IL15RA: variants seen among roughly 807,000 people sequenced by gnomAD.
The protein encoded by IL15RA is interleukin-15 receptor subunit alpha.
Under a neutral mutation model 24.2 loss-of-function variants are expected in IL15RA, and 26 were observed. The ratio of observed to expected loss-of-function variants is 1.07; its 90% CI spans 0.79 to 1.49. IL15RA has a LOEUF of 1.49. IL15RA is among the 40% of genes most tolerant of loss of function. The pLI is 0.00. For synonymous variants in IL15RA, 166 were observed against 157.6 expected (o/e 1.05, Z -0.40); for missense variants, 354 against 356.4 (o/e 0.99, Z 0.05).
At chr10:5,969,761 A>C (rs1297386744) in intron 1 of IL15RA, among the ~76,000 whole-genome samples, 1 of 152,238 alleles carries the variant, frequency 6.6e-6, no homozygotes, top group African/African-American at 2.4e-5. Flanking sequence ...TTGGGGAAGA[A>C]TTGATATCTT....
At position 5,965,781 on chromosome 10, in the gene IL15RA, T is replaced by C. The variant is rs1034127180; in HGVS notation, c.283+364A>G. ...TGTCACCCAGGCTGGAGTGCAGTGG[T>C]GTGATCGCGGCTCACTGTGACCTCT... On this transcript the variant is annotated intron_variant, in intron 2 of 6. Coordinates refer to ENST00000379977, the MANE Select transcript of IL15RA (RefSeq NM_002189.4). This position sits in a 1 kb window ranked among gnomAD's most constrained non-coding sequence, Gnocchi z 5.8. Among the ~76,000 whole-genome samples the C allele has an allele frequency of 6.6e-6, 1 of 152,134 alleles. No individual in the cohort carries two copies. The highest frequency in any genetic ancestry group is 1.5e-5 in the Non-Finnish European group (1 of 68,008).
rs1251198002 is a variant in IL15RA, at chr10:5,962,633, G to A, written c.382+1110C>T. On this transcript the variant is annotated intron_variant, in intron 3 of 6. Transcript: ENST00000379977. This position sits in a 1 kb window ranked among gnomAD's most constrained non-coding sequence, Gnocchi z 5.2. ...AAGATCCACCTGGGGCTGGAGAGGC[G>A]TGAGTCCCAGATTGCACCCAGGCCA... is the stretch of plus-strand genomic sequence containing the variant. 6.6e-6 allele frequency among the ~76,000 whole-genome samples: 1 copy of A among 151,558 alleles called. No homozygotes were observed. Among genetic ancestry groups the A allele is most frequent in the Non-Finnish European group, 1.5e-5 (1 of 67,934 alleles).
Position 5,953,177 on chromosome 10 carries a change from A to G in IL15RA, c.722T>C (p.Met241Thr). The part of the protein sequence containing the change: ...RQTPPLASVE[M>T]EAMEALPVTW... ...CACCGGCAGAGCCTCCATGGCTTCC[A>G]TTTCAACGCTGGCCAGCGGGGGAGT... Residue 241 changes from methionine (M) to threonine (T), a missense_variant, in exon 7 of 7, where the codon ATG becomes ACG. By Grantham distance (81) the Met-to-Thr change is moderately conservative. Coordinates refer to ENST00000379977, the MANE Select transcript of IL15RA (RefSeq NM_002189.4). The surrounding 1 kb of genome is among the most constrained non-coding windows in gnomAD (Gnocchi z 5.3). 1.9e-6 allele frequency: 3 copies of G among 1,614,156 alleles called. No individual in the cohort carries two copies. The highest frequency in any genetic ancestry group is 1.3e-5 in the African/African-American group (1 of 75,044).
chr10:5,968,583 G>A lies in IL15RA; in HGVS notation c.89-2244C>T, dbSNP rs1837012124. 1.7e-6 allele frequency: 1 copy of A among 581,090 alleles called. No homozygotes were observed. Among genetic ancestry groups the A allele is most frequent in the African/African-American group, 1.9e-5 (1 of 53,542 alleles). The allele number at this position is 581,090 out of a possible 1,614,324, so 36.0% of individuals were successfully genotyped here. A position where few individuals can be genotyped will look rare whatever the true frequency, so the allele number is the denominator to read the frequency against. On this transcript the variant is annotated intron_variant, in intron 1 of 6. Coordinates refer to ENST00000379977, the MANE Select transcript of IL15RA (RefSeq NM_002189.4). The surrounding 1 kb of genome is among the most constrained non-coding windows in gnomAD (Gnocchi z 5.4). Reference sequence around the variant, plus strand: ...TGAGGTGGATTTGGATGCTGCTGTTGCTATGGTTACCTGCAGAGCCCCACT... The same window carrying A: ...TGAGGTGGATTTGGATGCTGCTGTTACTATGGTTACCTGCAGAGCCCCACT...
At position 5,952,777 on chromosome 10, in the gene IL15RA, A is replaced by G. The variant is rs1833992191; in HGVS notation, c.*318T>C. On this transcript the variant is annotated 3_prime_UTR_variant, in exon 7 of 7. Coordinates refer to ENST00000379977, the MANE Select transcript of IL15RA (RefSeq NM_002189.4). ...AGATTCGGGGCAGGGTTTTTATTTC[A>G]TTACCACATGTATTCCAGGCAGCTC... The G allele has an allele frequency of 5.3e-6, 2 of 374,272 alleles. No individual in the cohort carries two copies. Among genetic ancestry groups the G allele is most frequent in the South Asian group, 1.1e-4 (2 of 18,168 alleles). The allele number at this position is 374,272 out of a possible 1,614,324, so 23.2% of individuals were successfully genotyped here.
chr10:5,953,112 A>G lies in IL15RA; in HGVS notation c.787T>C (p.Cys263Arg), dbSNP rs955052117. The change falls in exon 7 of 7, where the codon TGC becomes CGC. Residue 263 changes from cysteine (C) to arginine (R), a missense_variant. Cys to Arg is a radical substitution (Grantham distance 180, BLOSUM62 -3). Coordinates refer to ENST00000379977, the MANE Select transcript of IL15RA (RefSeq NM_002189.4). The surrounding 1 kb of genome is among the most constrained non-coding windows in gnomAD (Gnocchi z 5.3). The stretch of plus-strand genomic sequence containing the variant: ...CCCGAGTTTCATAGGTGGTGAGAGC[A>G]GTTTTCCAAGTCTTCATCTCTGCTG... ...TSSRDEDLEN[C>R]SHHL The G allele has an allele frequency of 3.1e-6, 5 of 1,613,494 alleles. No homozygotes were observed. Among genetic ancestry groups the G allele is most frequent in the Non-Finnish European group, 4.2e-6 (5 of 1,179,472 alleles).
chr10:5,957,744 A>G (rs1382217365), intron 5 of IL15RA, among the ~76,000 whole-genome samples: 1 of 151,786 alleles, frequency 6.6e-6, no homozygotes, highest in Non-Finnish European at 1.5e-5. Flanking sequence ...GGCGCCTGCC[A>G]CCACACCTGG....
In IL15RA at chr10:5,961,420, G is replaced by A. The variant is rs953515862; in HGVS notation, c.383-853C>T. 1.1e-5 allele frequency among the ~76,000 whole-genome samples: 1 copy of A among 93,722 alleles called. No individual in the cohort carries two copies. Among genetic ancestry groups the A allele is most frequent in the Admixed American group, 1.5e-4 (1 of 6,664 alleles). The allele number at this position is 93,722 out of a possible 152,430, so 61.5% of individuals were successfully genotyped here. ...CCCCTGTCTCTTAAAAAAAAAGGTG[G>A]GGGGAAGAAAAGAAAAGGTGTCAAA... On this transcript the variant is annotated intron_variant, in intron 3 of 6. Transcript: ENST00000379977. The surrounding 1 kb of genome is among the most constrained non-coding windows in gnomAD (Gnocchi z 5.2).
At chr10:5,951,561 C>T (rs1205334682), downstream of IL15RA, among the ~76,000 whole-genome samples, 3 of 152,182 alleles carry the variant, frequency 2.0e-5, no homozygotes. Context: ...CGCCGTGGCT[C>T]ACGCCTGTAA....
chr10:5,970,623 T>C lies in IL15RA; in HGVS notation c.89-4284A>G, dbSNP rs764055698. On this transcript the variant is annotated intron_variant, in intron 1 of 6. Coordinates refer to ENST00000379977, the MANE Select transcript of IL15RA (RefSeq NM_002189.4). The surrounding 1 kb of genome is among the most constrained non-coding windows in gnomAD (Gnocchi z 4.1). ...ACAGCCAATCCAACCAGGCAAATGG[T>C]GGCCAGTTACTTACTTTATAAAGTT... is the stretch of plus-strand genomic sequence containing the variant. Among the ~76,000 whole-genome samples, 1 of 151,716 alleles carries C rather than the reference T, an allele frequency of 6.6e-6. No individual in the cohort carries two copies. Among genetic ancestry groups the C allele is most frequent in the Non-Finnish European group, 1.5e-5 (1 of 68,038 alleles).
At chr10:5,951,166 AAAAAAAAT>A (rs1833845261), downstream of IL15RA, among the ~76,000 whole-genome samples, 5 of 149,378 alleles carry the variant, frequency 3.3e-5, no homozygotes, top group African/African-American at 1.2e-4. Flanking sequence ...AAAAAAAAAA[AAAAAAAAT>A]ATTAGCCAGG....
At position 5,961,460 on chromosome 10, in the gene IL15RA, A is replaced by G. The variant is rs145793536; in HGVS notation, c.383-893T>C. ...AAGGTGTCAAAGATCTGAGTCGTTC[A>G]GCTTGTTTACTAGAGAAGGCAGGCC... On this transcript the variant is annotated intron_variant, in intron 3 of 6. Transcript: ENST00000379977. This position sits in a 1 kb window ranked among gnomAD's most constrained non-coding sequence, Gnocchi z 5.2. Among the ~76,000 whole-genome samples, 2 of 152,302 alleles carry G rather than the reference A, an allele frequency of 1.3e-5. No individual in the cohort carries two copies. The highest frequency in any genetic ancestry group is 3.9e-4 in the East Asian group (2 of 5,182).
intron 6 of IL15RA, 109 bp downstream of exon 6, chr10:5,956,270 C>T (rs1834501340): frequency 1.2e-5 from 10 of 831,922 alleles, no homozygotes; most frequent in Non-Finnish European, 2.0e-5. Context: ...CCGCCTTGGC[C>T]TCCCAAAGTG....
rs1217105124 is a variant in IL15RA at position 5,960,656 on chromosome 10, G to A, written c.383-89C>T. Reference sequence around the variant, plus strand: ...ACGGGGTGATGTGGGAGCTGCCATAGTGAGTCACCCTGACCAGCCCTCCCT... The same window carrying A: ...ACGGGGTGATGTGGGAGCTGCCATAATGAGTCACCCTGACCAGCCCTCCCT... On this transcript the variant is annotated intron_variant, in intron 3 of 6. Coordinates refer to ENST00000379977, the MANE Select transcript of IL15RA (RefSeq NM_002189.4). This position sits in a 1 kb window ranked among gnomAD's most constrained non-coding sequence, Gnocchi z 5.1. The A allele has an allele frequency of 3.6e-6, 4 of 1,118,774 alleles. No individual in the cohort carries two copies. The African/African-American group carries it at 6.1e-5, about 17-fold the overall frequency. The allele number at this position is 1,118,774 out of a possible 1,614,324, so 69.3% of individuals were successfully genotyped here. A position where few individuals can be genotyped will look rare whatever the true frequency, so the allele number is the denominator to read the frequency against.
In IL15RA at chr10:5,952,801, T is replaced by TCA. The variant is rs1467675309; in HGVS notation, c.*292_*293dup. On this transcript the variant is annotated 3_prime_UTR_variant, in exon 7 of 7. Coordinates refer to ENST00000379977, the MANE Select transcript of IL15RA (RefSeq NM_002189.4). Reference sequence around the variant, plus strand: ...CATTACCACATGTATTCCAGGCAGCTCACACTGTAATGAAATAAAAATCCT... The same window carrying TCA: ...CATTACCACATGTATTCCAGGCAGCTCACACACTGTAATGAAATAAAAATCCT... 4 of 485,230 alleles carry TCA rather than the reference T, an allele frequency of 8.2e-6. No homozygotes were observed. The highest frequency in any genetic ancestry group is 1.5e-5 in the Non-Finnish European group (4 of 274,804). The allele number at this position is 485,230 out of a possible 1,614,324, so 30.1% of individuals were successfully genotyped here. A position where few individuals can be genotyped will look rare whatever the true frequency, so the allele number is the denominator to read the frequency against.
At chr10:5,977,323 A>T in intron 1 of IL15RA, 82 bp downstream of exon 1, 1 of 630,236 alleles carries the variant, frequency 1.6e-6, no homozygotes, top group Non-Finnish European at 2.3e-6. Flanking sequence ...GCCCGGGGAG[A>T]TGGGGCGCCC....
In IL15RA at chr10:5,966,188, G is replaced by A; in HGVS notation, c.240C>T (p.Ala80=). The A allele has an allele frequency of 6.2e-7, 1 of 1,613,170 alleles. No homozygotes were observed. Among genetic ancestry groups the A allele is most frequent in the Non-Finnish European group, 8.5e-7 (1 of 1,179,180 alleles). ...GGGTTGTCCAGTGGGCGACATTCGTGGCCTTGTTCAACACGCACTCCGTCA... is the reference window on the plus strand; with the variant it reads ...GGGTTGTCCAGTGGGCGACATTCGTAGCCTTGTTCAACACGCACTCCGTCA... ...SSLTECVLNK[A]TNVAHWTTPS... The change falls in exon 2 of 7, where the codon GCC becomes GCT. Residue 80 remains alanine, a synonymous_variant. Transcript: ENST00000379977. This position sits in a 1 kb window ranked among gnomAD's most constrained non-coding sequence, Gnocchi z 6.4.
At chr10:5,957,242 T>G (rs759233731) in intron 5 of IL15RA, among the ~76,000 whole-genome samples, 85 of 152,116 alleles carry the variant, frequency 5.6e-4, no homozygotes, top group Non-Finnish European at 1.0e-3. Flanking sequence ...TTTACAGGCA[T>G]GAGCCACTGC....
chr10:5,955,787 C>G lies in IL15RA; in HGVS notation c.692+592G>C, dbSNP rs1418903244. ...TTCAAGAATATATTCATGAGGGTAT[C>G]ACAAGAAGAATGGGTAGGACTGCAC... is the stretch of plus-strand genomic sequence containing the variant. On this transcript the variant is annotated intron_variant, in intron 6 of 6. Transcript: ENST00000379977. The surrounding 1 kb of genome is among the most constrained non-coding windows in gnomAD (Gnocchi z 5.3). Among the ~76,000 whole-genome samples, 1 of 152,156 alleles carries G rather than the reference C, an allele frequency of 6.6e-6. No homozygotes were observed. The highest frequency in any genetic ancestry group is 1.5e-5 in the Non-Finnish European group (1 of 68,036).
Sources: allele counts gnomAD v4.1 joint callset (sites outside exome capture counted in the v4.1 genomes callset), GRCh38; gene constraint gnomAD v4.1.1; non-coding constraint Gnocchi (gnomAD v3.1); transcripts MANE v1.5; gene names NCBI Gene and HGNC (gene_info 2026-07-23, HGNC 2026-07-21).